CREB5: variants seen among roughly 807,000 people sequenced by gnomAD.
CREB5 encodes the protein cyclic AMP-responsive element-binding protein 5.
CREB5 carries 19 observed loss-of-function variants against 57.1 expected under a neutral mutation model. That is an observed-to-expected ratio of 0.33 (90% CI 0.23 to 0.49). CREB5 has a LOEUF of 0.49. CREB5 is among the 20% of genes least tolerant of loss of function. The pLI, the probability that CREB5 is intolerant of heterozygous loss-of-function variation, is 0.99. For synonymous variants in CREB5, 238 were observed against 238.3 expected, an observed-to-expected ratio of 1.00 and a Z score of 0.01; for missense variants, 579 against 671.6, an observed-to-expected ratio of 0.86 and a Z score of 1.52.
intron 7 of CREB5, among the ~76,000 whole-genome samples, chr7:28,730,142 T>G (rs1445420333): frequency 2.6e-5 from 4 of 152,202 alleles, no homozygotes; most frequent in African/African-American, 7.2e-5. Flanking sequence ...TTGCAATATA[T>G]TCTCAATTTT....
At chr7:28,804,646 G>A in intron 8 of CREB5, 124 bp downstream of exon 8, 1 of 1,240,006 alleles carries the variant, frequency 8.1e-7, no homozygotes, top group South Asian at 1.4e-5. Context: ...CACATTCTAG[G>A]GGCTCTGTTT....
intron 5 of CREB5, among the ~76,000 whole-genome samples, chr7:28,633,141 A>T (rs1277808168): frequency 6.6e-6 from 1 of 152,218 alleles, no homozygotes; most frequent in African/African-American, 2.4e-5. Flanking sequence ...TTAGTAAACT[A>T]AGGCACAGAG....
At chr7:28,700,398 G>A (rs973177749) in intron 5 of CREB5, among the ~76,000 whole-genome samples, 2 of 152,074 alleles carry the variant, frequency 1.3e-5, no homozygotes, top group Non-Finnish European at 2.9e-5. Flanking sequence ...TGACTTCCTT[G>A]GCTATTTGCC....
At chr7:28,407,422 T>A (rs1164120400) in intron 1 of CREB5, among the ~76,000 whole-genome samples, 1 of 152,242 alleles carries the variant, frequency 6.6e-6, no homozygotes, top group Non-Finnish European at 1.5e-5. Flanking sequence ...ACCATCCTCA[T>A]TCATAGTTGA....
chr7:28,650,670 TATAAA>T (rs1232416496), intron 5 of CREB5, among the ~76,000 whole-genome samples: 3 of 152,162 alleles, frequency 2.0e-5, no homozygotes, highest in Non-Finnish European at 4.4e-5. Context: ...TGTTCAATGA[TATAAA>T]ATAAAGCTGA....
chr7:28,341,151 A>C (rs1436467247), intron 1 of CREB5, among the ~76,000 whole-genome samples: 1 of 152,088 alleles, frequency 6.6e-6, no homozygotes, highest in Non-Finnish European at 1.5e-5. Flanking sequence ...TAGTTGTTCA[A>C]TTTGGTGCTG....
chr7:28,311,111 G>A (rs1017719721), intron 1 of CREB5, among the ~76,000 whole-genome samples: 6 of 121,514 alleles, frequency 4.9e-5, no homozygotes, highest in Non-Finnish European at 6.7e-5. Context: ...TGGCTAGCAC[G>A]GTGAAACCCC....
intron 3 of CREB5, among the ~76,000 whole-genome samples, chr7:28,495,840 A>G (rs1226727025): frequency 1.3e-5 from 2 of 152,372 alleles, no homozygotes; most frequent in East Asian, 3.9e-4. Context: ...TCTGCCTCAT[A>G]TGTGGGAGAT....
At chr7:28,752,468 T>C (rs1367071516) in intron 7 of CREB5, among the ~76,000 whole-genome samples, 1 of 152,168 alleles carries the variant, frequency 6.6e-6, no homozygotes, top group East Asian at 1.9e-4. Flanking sequence ...TGCTCAGCCT[T>C]CTCTTTGTAA....
At chr7:28,667,603 GA>G (rs67452825) in intron 5 of CREB5, among the ~76,000 whole-genome samples, 5 of 150,912 alleles carry the variant, frequency 3.3e-5, no homozygotes, top group East Asian at 2.0e-4. Flanking sequence ...AGAGAGAAAA[GA>G]AAAAAAAGAT....
intron 1 of CREB5, among the ~76,000 whole-genome samples, chr7:28,485,925 C>G (rs1791525321): frequency 6.6e-6 from 1 of 152,046 alleles, no homozygotes; most frequent in South Asian, 2.1e-4. Flanking sequence ...ATCAAATGAA[C>G]AGTGAAATGT....
intron 7 of CREB5, among the ~76,000 whole-genome samples, chr7:28,795,057 C>T (rs1807948017): frequency 1.3e-5 from 2 of 151,980 alleles, no homozygotes; most frequent in Admixed American, 6.6e-5. Flanking sequence ...ACATCATGGC[C>T]CTGCGGAGAA....
At chr7:28,518,068 G>C (rs1163675265) in intron 4 of CREB5, among the ~76,000 whole-genome samples, 2 of 152,176 alleles carry the variant, frequency 1.3e-5, no homozygotes, top group Non-Finnish European at 2.9e-5. Flanking sequence ...GAGGGTGGGG[G>C]AGCAGCTTGC....
chr7:28,738,552 G>A (rs1804165709), intron 7 of CREB5, among the ~76,000 whole-genome samples: 1 of 152,168 alleles, frequency 6.6e-6, no homozygotes, highest in African/African-American at 2.4e-5. Context: ...TGGGATCACA[G>A]CAAAAAGCAT....
intron 1 of CREB5, among the ~76,000 whole-genome samples, chr7:28,333,508 T>G (rs748896393): frequency 9.9e-5 from 15 of 152,200 alleles, no homozygotes; most frequent in Non-Finnish European, 2.1e-4. Flanking sequence ...TTTTACCTTT[T>G]TTTTGGTACC....
At chr7:28,745,954 GC>G (rs1804662279) in intron 7 of CREB5, among the ~76,000 whole-genome samples, 1 of 152,186 alleles carries the variant, frequency 6.6e-6, no homozygotes, top group Non-Finnish European at 1.5e-5. Context: ...ACCTGCTCAA[GC>G]CCTCCTGGAG....
chr7:28,497,522 G>A (rs1293893829), intron 3 of CREB5, among the ~76,000 whole-genome samples: 1 of 152,304 alleles, frequency 6.6e-6, no homozygotes, highest in East Asian at 1.9e-4. Flanking sequence ...CATGGTTTAT[G>A]TTGAGGTTGG....
chr7:28,643,620 G>A (rs535238698), intron 5 of CREB5, among the ~76,000 whole-genome samples: 2 of 152,264 alleles, frequency 1.3e-5, no homozygotes, highest in East Asian at 1.9e-4. Context: ...TCAACAGGTT[G>A]TTATGAGATT....
chr7:28,335,878 C>A (rs1785813674), intron 1 of CREB5, among the ~76,000 whole-genome samples: 1 of 151,924 alleles, frequency 6.6e-6, no homozygotes, highest in African/African-American at 2.4e-5. Flanking sequence ...TCCGTCTATA[C>A]CCAGTTTTTT....
Sources: gnomAD v4.1 joint callset for allele counts (sites outside exome capture counted in the v4.1 genomes callset) on GRCh38, gnomAD v4.1.1 for gene constraint, MANE v1.5 for transcripts, NCBI Gene and HGNC (gene_info 2026-07-23, HGNC 2026-07-21) for gene names.